ATF6: variants seen among roughly 807,000 people sequenced by gnomAD.
The protein encoded by ATF6 is activating transcription factor 6, also known as cyclic AMP-dependent transcription factor ATF-6 alpha.
ATF6 carries 53 observed loss-of-function variants against 83.6 expected under a neutral mutation model. That is an observed-to-expected ratio of 0.63 (90% CI 0.51 to 0.80). ATF6 has a LOEUF of 0.80. ATF6 is among the 30% of genes least tolerant of loss of function. The probability of loss-of-function intolerance (pLI) is 0.00; values close to 1 mark genes in which losing one functional copy is unlikely to be tolerated. For synonymous variants in ATF6, 288 were observed against 285.8 expected (o/e 1.01, Z -0.08); for missense variants, 744 against 797.9 (o/e 0.93, Z 0.81).
At chr1:161,932,719 G>T (rs1327379697) in intron 15 of ATF6, among the ~76,000 whole-genome samples, 4 of 152,238 alleles carry the variant, frequency 2.6e-5, no homozygotes, top group Admixed American at 2.6e-4. Context: ...AATCCAAGTA[G>T]AGTTTAGCAA....
intron 7 of ATF6, among the ~76,000 whole-genome samples, chr1:161,804,188 C>A (rs1432527135): frequency 6.6e-6 from 1 of 151,412 alleles, no homozygotes; most frequent in Non-Finnish European, 1.5e-5. Flanking sequence ...ATATAATACC[C>A]CCAAATGAAA....
intron 1 of ATF6, among the ~76,000 whole-genome samples, chr1:161,774,371 G>A (rs1221782821): frequency 6.6e-6 from 1 of 151,724 alleles, no homozygotes; most frequent in South Asian, 2.1e-4. Context: ...AATAGTAGCA[G>A]TGGAGTAATG....
At chr1:161,887,001 G>C (rs1433587852) in intron 14 of ATF6, among the ~76,000 whole-genome samples, 1 of 151,982 alleles carries the variant, frequency 6.6e-6, no homozygotes, top group Non-Finnish European at 1.5e-5. Flanking sequence ...AACTTGCAGT[G>C]GTCTACAAGA....
chr1:161,866,398 C>G (rs1162231431), intron 14 of ATF6, among the ~76,000 whole-genome samples: 1 of 152,152 alleles, frequency 6.6e-6, no homozygotes. Flanking sequence ...AGCAGACACA[C>G]TCTTGGATAA....
At chr1:161,943,045 G>A (rs935008277) in intron 15 of ATF6, among the ~76,000 whole-genome samples, 2 of 152,274 alleles carry the variant, frequency 1.3e-5, no homozygotes, top group Admixed American at 6.5e-5. Flanking sequence ...TAGTAGAGAC[G>A]TGGTTTCACC....
chr1:161,807,829 T>TTTA (rs1026893070), intron 7 of ATF6, among the ~76,000 whole-genome samples: 2 of 151,292 alleles, frequency 1.3e-5, no homozygotes, highest in Non-Finnish European at 1.5e-5. Flanking sequence ...CTCAGCATTC[T>TTTA]TTATTCTGTA....
intron 1 of ATF6, 42 bp downstream of exon 1, chr1:161,766,484 C>T (rs1457248162): frequency 6.3e-7 from 1 of 1,590,344 alleles, no homozygotes; most frequent in South Asian, 1.1e-5. Flanking sequence ...CTCGGGTTCG[C>T]GTCTAAAGGT....
chr1:161,919,793 T>C (rs1218804224), intron 15 of ATF6, among the ~76,000 whole-genome samples: 3 of 152,210 alleles, frequency 2.0e-5, no homozygotes, highest in African/African-American at 7.2e-5. Context: ...TTATATTTAA[T>C]CTCAAGGTAA....
chr1:161,945,885 G>A (rs944701110), intron 15 of ATF6, among the ~76,000 whole-genome samples: 2 of 152,090 alleles, frequency 1.3e-5, no homozygotes, highest in African/African-American at 4.8e-5. Context: ...TACCACCCTG[G>A]GACATTCAGC....
rs747921362 is a variant in ATF6, at chr1:161,821,123, A to G, written c.1149A>G (p.Ile383Met). ...SPKRRVVCVM[I>M]VLAFIILNYG... ...AGCGAAGAGTTGTCTGTGTGATGAT[A>G]GTATTGGCATTTATAATACTGAACT... Residue 383 changes from isoleucine to methionine, a missense_variant, in exon 9 of 16, where the codon ATA becomes ATG. Ile to Met is a conservative substitution (Grantham distance 10, BLOSUM62 1). Transcript: ENST00000367942. 4 of 1,613,056 alleles carry G rather than the reference A, an allele frequency of 2.5e-6. No homozygotes were observed. Among genetic ancestry groups the G allele is most frequent in the South Asian group, 2.2e-5 (2 of 90,922 alleles).
intron 9 of ATF6, chr1:161,840,385 C>T (rs1436424157): frequency 1.3e-5 from 2 of 152,168 alleles, no homozygotes; most frequent in Non-Finnish European, 2.9e-5. Flanking sequence ...TTGTGTGTGG[C>T]TCTCCAAGCC....
chr1:161,870,758 T>G (rs1272996733), intron 14 of ATF6, among the ~76,000 whole-genome samples: 2 of 151,808 alleles, frequency 1.3e-5, no homozygotes, highest in Non-Finnish European at 3.0e-5. Context: ...GAGAAAAGAT[T>G]GTTCAGTAGT....
chr1:161,844,610 A>T (rs1288609138), intron 9 of ATF6, among the ~76,000 whole-genome samples: 2 of 152,158 alleles, frequency 1.3e-5, no homozygotes, highest in African/African-American at 4.8e-5. Flanking sequence ...TAGGGGTTGA[A>T]TTAATTGAGA....
chr1:161,874,416 T>A (rs1449151220), intron 14 of ATF6, among the ~76,000 whole-genome samples: 3 of 151,826 alleles, frequency 2.0e-5, no homozygotes, highest in Non-Finnish European at 4.4e-5. Context: ...TTGAATAATT[T>A]ATTTGGAGTC....
At chr1:161,858,868 T>C (rs559564109) in intron 12 of ATF6, among the ~76,000 whole-genome samples, 26 of 152,194 alleles carry the variant, frequency 1.7e-4, no homozygotes, top group Non-Finnish European at 3.1e-4. Flanking sequence ...TAACTTGGCT[T>C]TTCCTAAGGC....
chr1:161,862,816 G>A (rs148541329), intron 13 of ATF6, among the ~76,000 whole-genome samples: 1 of 152,124 alleles, frequency 6.6e-6, no homozygotes, highest in African/African-American at 2.4e-5. Flanking sequence ...TCATATATTC[G>A]ACAGGGTGGT....
At chr1:161,916,920 A>G (rs1371418155) in intron 15 of ATF6, among the ~76,000 whole-genome samples, 1 of 152,150 alleles carries the variant, frequency 6.6e-6, no homozygotes, top group African/African-American at 2.4e-5. Context: ...TACATTTTTG[A>G]CATCCCTTCT....
intron 7 of ATF6, among the ~76,000 whole-genome samples, chr1:161,802,733 A>G (rs1055902492): frequency 6.6e-6 from 1 of 152,208 alleles, no homozygotes; most frequent in South Asian, 2.1e-4. Context: ...TCACCACTTC[A>G]TAATGATGAC....
chr1:161,859,950 G>GGACT (rs1686848271), intron 12 of ATF6, among the ~76,000 whole-genome samples: 1 of 152,064 alleles, frequency 6.6e-6, no homozygotes, highest in African/African-American at 2.4e-5. Flanking sequence ...TGTGGTGCTT[G>GGACT]GACTAGCTTT....
Sources: allele counts gnomAD v4.1 joint callset (sites outside exome capture counted in the v4.1 genomes callset), GRCh38; gene constraint gnomAD v4.1.1; transcripts MANE v1.5; gene names NCBI Gene and HGNC (gene_info 2026-07-23, HGNC 2026-07-21).